YTHDF2: variants seen among roughly 807,000 people sequenced by gnomAD.
The protein encoded by YTHDF2 is YTH domain-containing family protein 2.
A neutral mutation model predicts 50.4 loss-of-function variants in YTHDF2; 2 were observed. The observed-to-expected ratio is 0.04, with a 90% CI of 0.02 to 0.12. The LOEUF is 0.12. Ranked by LOEUF, YTHDF2 falls within the 10% of genes least tolerant of loss-of-function variation. The pLI is 1.00. For missense variants in YTHDF2, 483 were observed against 722.6 expected, an observed-to-expected ratio of 0.67 and a Z score of 3.80; for synonymous variants, 217 against 255.6, an observed-to-expected ratio of 0.85 and a Z score of 1.44.
chr1:28,742,343 G>A, intron 3 of YTHDF2, 60 bp from the exon 4 acceptor site: 1 of 1,514,188 alleles, frequency 6.6e-7, no homozygotes, highest in East Asian at 2.3e-5. Flanking sequence ...TAGGTGGGGG[G>A]AGGAAATAGC....
intron 4 of YTHDF2, among the ~76,000 whole-genome samples, chr1:28,760,270 GTTGTGTGTGTGTGT>G (rs895716873): frequency 2.7e-4 from 29 of 108,786 alleles, no homozygotes; most frequent in African/African-American, 8.0e-4. Context: ...AACATAGTAG[GTTGTGTGTGTGTGT>G]GTGTGTGTGT....
At position 28,754,603 on chromosome 1, in the gene YTHDF2, C is replaced by T. The variant is rs150587138; in HGVS notation, c.1716+10617C>T. ...CTTTGGGAGGCTGAGGTGGGTAGTTCGCAAGGTCAGGAGTTCAAGACCAGC... is the reference window on the plus strand; with the variant it reads ...CTTTGGGAGGCTGAGGTGGGTAGTTTGCAAGGTCAGGAGTTCAAGACCAGC... On this transcript the variant is annotated intron_variant, in intron 4 of 4. Coordinates refer to ENST00000373812, the MANE Select transcript of YTHDF2 (RefSeq NM_016258.3). 8.2e-4 allele frequency among the ~76,000 whole-genome samples: 124 copies of T among 151,438 alleles called. 1 individual carries two copies. The East Asian group carries it at 0.017, about 20-fold the overall frequency.
intron 4 of YTHDF2, among the ~76,000 whole-genome samples, chr1:28,754,546 G>A (rs1185072389): frequency 6.7e-6 from 1 of 150,174 alleles, no homozygotes; most frequent in African/African-American, 2.5e-5. Flanking sequence ...AAAATTGGCC[G>A]GGCGCGGTGG....
chr1:28,737,822 C>A, intron 2 of YTHDF2, 140 bp downstream of exon 2: 1 of 993,842 alleles, frequency 1.0e-6, no homozygotes, highest in Non-Finnish European at 1.5e-6. Flanking sequence ...AGTATTTTGA[C>A]CCTTTCGGTG....
At chr1:28,745,651 G>T (rs1372106103) in intron 4 of YTHDF2, among the ~76,000 whole-genome samples, 1 of 149,722 alleles carries the variant, frequency 6.7e-6, no homozygotes, top group African/African-American at 2.5e-5. Flanking sequence ...CTTGAACCCC[G>T]AAGGCAGAGG....
chr1:28,741,674 T>G (rs1319663183), intron 3 of YTHDF2, among the ~76,000 whole-genome samples: 2 of 152,248 alleles, frequency 1.3e-5, no homozygotes, highest in African/African-American at 2.4e-5. Flanking sequence ...TCTATTGATA[T>G]TCCCAGATAG....
At chr1:28,752,526 C>T (rs981622739) in intron 4 of YTHDF2, among the ~76,000 whole-genome samples, 1 of 152,178 alleles carries the variant, frequency 6.6e-6, no homozygotes, top group Non-Finnish European at 1.5e-5. Context: ...GAACCCCTGA[C>T]CTTGTGATCT....
At chr1:28,753,591 AGAAT>A (rs1490437365) in intron 4 of YTHDF2, among the ~76,000 whole-genome samples, 1 of 151,924 alleles carries the variant, frequency 6.6e-6, no homozygotes, top group Non-Finnish European at 1.5e-5. Context: ...CATAGTCTTG[AGAAT>A]GCTTATGGTA....
chr1:28,736,644 A>T (rs1197440009), upstream of YTHDF2: 1 of 157,714 alleles, frequency 6.3e-6, no homozygotes, highest in Non-Finnish European at 1.4e-5. Flanking sequence ...GTTAGTCGAA[A>T]CCTCGTGGTG....
Position 28,743,430 on chromosome 1 carries a change from C to T in YTHDF2, c.1160C>T (p.Pro387Leu). ...GGATCTACTCCTTCAGAACCCCACC[C>T]AGTGTTGGAGAAGCTTCGGTCCATT... Reference protein sequence around the residue: ...GSGSTPSEPHPVLEKLRSINN... With the variant: ...GSGSTPSEPHLVLEKLRSINN... Residue 387 changes from proline (P) to leucine (L), a missense_variant, in exon 4 of 5, where the codon CCA becomes CTA. By Grantham distance (98) the Pro-to-Leu change is moderately conservative (BLOSUM62 -3). This residue lies in a region of YTHDF2 where 385 missense variants were observed against 475.8 expected (regional missense o/e 0.81). Transcript: ENST00000373812. The surrounding 1 kb of genome is among the most constrained non-coding windows in gnomAD (Gnocchi z 6.9). 6.2e-7 allele frequency: 1 copy of T among 1,614,162 alleles called. No homozygotes were observed. The highest frequency in any genetic ancestry group is 8.5e-7 in the Non-Finnish European group (1 of 1,180,050).
At chr1:28,749,986 G>GTTTTTTTTTT (rs371730633) in intron 4 of YTHDF2, among the ~76,000 whole-genome samples, 3 of 78,328 alleles carry the variant, frequency 3.8e-5, no homozygotes, top group African/African-American at 1.1e-4. Flanking sequence ...AAAAAAGGTT[G>GTTTTTTTTTT]TTTTTTTTTT....
chr1:28,750,949 C>T lies in YTHDF2; in HGVS notation c.1716+6963C>T, dbSNP rs6704385. Among the ~76,000 whole-genome samples, 636 of 151,760 alleles carry T rather than the reference C, an allele frequency of 4.2e-3. 7 individuals are homozygous for T. The highest frequency in any genetic ancestry group is 0.015 in the African/African-American group (610 of 41,394). On this transcript the variant is annotated intron_variant, in intron 4 of 4. Transcript: ENST00000373812. ...CTCTACAACAAATAAAAAAATTAGC[C>T]AGGCGTGGTGGCTCGTGCCTGTAAT...
chr1:28,761,129 G>GTTTTTT (rs1440540368), intron 4 of YTHDF2, among the ~76,000 whole-genome samples: 1 of 35,308 alleles, frequency 2.8e-5, no homozygotes, highest in African/African-American at 1.6e-4. Flanking sequence ...GTGTGTGTGT[G>GTTTTTT]TATTTTTTTT....
rs768225729 is a variant in YTHDF2, at chr1:28,743,043, G to T, written c.773G>T (p.Gly258Val). 6.2e-7 allele frequency: 1 copy of T among 1,614,182 alleles called. No individual in the cohort carries two copies. Among genetic ancestry groups the T allele is most frequent in the Non-Finnish European group, 8.5e-7 (1 of 1,180,034 alleles). ...CAACCTAAACTGAAGACCAAGAATGGCATTGCAGGGTCAAGTCTTCCGCCA... is the reference window on the plus strand; with the variant it reads ...CAACCTAAACTGAAGACCAAGAATGTCATTGCAGGGTCAAGTCTTCCGCCA... ...KQQPKLKTKN[G>V]IAGSSLPPPP... The change falls in exon 4 of 5, where the codon GGC becomes GTC. Residue 258 changes from glycine (G) to valine (V), a missense_variant. Gly to Val is a moderately radical substitution (Grantham distance 109). This residue lies in a region of YTHDF2 where 385 missense variants were observed against 475.8 expected (regional missense o/e 0.81). Coordinates refer to ENST00000373812, the MANE Select transcript of YTHDF2 (RefSeq NM_016258.3). This position sits in a 1 kb window ranked among gnomAD's most constrained non-coding sequence, Gnocchi z 6.9.
At position 28,746,528 on chromosome 1, in the gene YTHDF2, TCAGCAGTTTGAAGC is replaced by T. The variant is rs558286310; in HGVS notation, c.1716+2554_1716+2567del. On this transcript the variant is annotated intron_variant, in intron 4 of 4. Coordinates refer to ENST00000373812, the MANE Select transcript of YTHDF2 (RefSeq NM_016258.3). ...GCAGAGGCGGGCCGATCACTTGAGG[TCAGCAGTTTGAAGC>T]CAGCAGTTTGAGGCCAGCATGGTGA... Among the ~76,000 whole-genome samples the T allele has an allele frequency of 5.9e-3, 892 of 150,386 alleles. 4 individuals carry two copies. Among genetic ancestry groups the T allele is most frequent in the Middle Eastern group, 0.02 (6 of 294 alleles).
intron 4 of YTHDF2, among the ~76,000 whole-genome samples, chr1:28,765,416 A>G (rs2088201208): frequency 7.9e-6 from 1 of 126,240 alleles, no homozygotes; most frequent in Non-Finnish European, 1.7e-5. Flanking sequence ...ATGTTTTGAA[A>G]TACATTTTTA....
At chr1:28,757,048 TC>T (rs901409660) in intron 4 of YTHDF2, among the ~76,000 whole-genome samples, 1 of 152,198 alleles carries the variant, frequency 6.6e-6, no homozygotes, top group African/African-American at 2.4e-5. Context: ...TGCTGCCACC[TC>T]CTGGACCAAA....
intron 4 of YTHDF2, among the ~76,000 whole-genome samples, chr1:28,749,759 AAAAAG>A (rs2087920935): frequency 8.7e-6 from 1 of 115,424 alleles, no homozygotes; most frequent in South Asian, 3.3e-4. Context: ...GAAATAGAAA[AAAAAG>A]GTAGACTTAA....
chr1:28,745,648 C>A (rs965111241), intron 4 of YTHDF2, among the ~76,000 whole-genome samples: 2 of 151,814 alleles, frequency 1.3e-5, no homozygotes, highest in African/African-American at 4.8e-5. Flanking sequence ...TCACTTGAAC[C>A]CCGAAGGCAG....
Sources: allele counts gnomAD v4.1 joint callset (sites outside exome capture counted in the v4.1 genomes callset), GRCh38; gene constraint gnomAD v4.1.1; regional missense constraint gnomAD v4.1.1; non-coding constraint Gnocchi (gnomAD v3.1); transcripts MANE v1.5; gene names NCBI Gene and HGNC (gene_info 2026-07-23, HGNC 2026-07-21).